Variants in PRKCQ observed in about 807,000 individuals in gnomAD.
The protein encoded by PRKCQ is protein kinase C theta.
Under a neutral mutation model 91.2 loss-of-function variants are expected in PRKCQ, and 41 were observed. That is an observed-to-expected ratio of 0.45 (90% CI 0.35 to 0.58). The LOEUF (loss-of-function observed/expected upper bound fraction) is 0.58, where lower values mean the gene tolerates loss of function less well. Ranked by LOEUF, PRKCQ falls within the 20% of genes least tolerant of loss-of-function variation. The probability of loss-of-function intolerance (pLI) is 0.00; values close to 1 mark genes in which losing one functional copy is unlikely to be tolerated. For synonymous variants in PRKCQ, 307 were observed against 316.9 expected (o/e 0.97, Z 0.33); for missense variants, 673 against 896.5 (o/e 0.75, Z 3.18).
chr10:6,395,056 CTTTTTTTTT>C, the PRKCQ span, among the ~76,000 whole-genome samples: 3 of 66,994 alleles, frequency 4.5e-5, no homozygotes, highest in African/African-American at 1.2e-4. Flanking sequence ...AAGCTGGAGT[CTTTTTTTTT>C]TTTTTTTTTT....
intron 16 of PRKCQ, among the ~76,000 whole-genome samples, chr10:6,437,988 A>T (rs955213041): frequency 4.6e-5 from 7 of 152,168 alleles, no homozygotes; most frequent in East Asian, 3.8e-4. Flanking sequence ...CAGCCTTTTT[A>T]AAAAAATTGG....
At chr10:6,447,780 A>G (rs138457236) in intron 15 of PRKCQ, among the ~76,000 whole-genome samples, 4 of 152,350 alleles carry the variant, frequency 2.6e-5, no homozygotes, top group Non-Finnish European at 4.4e-5. Context: ...CCCAGGCCAC[A>G]GAGTCCCCTC....
chr10:6,422,185 T>A (rs1334150370), downstream of PRKCQ, among the ~76,000 whole-genome samples: 1 of 152,232 alleles, frequency 6.6e-6, no homozygotes, highest in Non-Finnish European at 1.5e-5. Context: ...TAATACTATG[T>A]TAGTGGGTAC....
chr10:6,518,731 G>A (rs1460629115), intron 1 of PRKCQ, among the ~76,000 whole-genome samples: 1 of 152,046 alleles, frequency 6.6e-6, no homozygotes, highest in East Asian at 1.9e-4. Context: ...TGAGGCAGGG[G>A]AATCGCTTTG....
At chr10:6,517,588 CTTTTTTTTTTTT>C (rs56306878) in intron 1 of PRKCQ, among the ~76,000 whole-genome samples, 99 of 49,496 alleles carry the variant, frequency 2.0e-3, no homozygotes, top group African/African-American at 6.8e-3. Context: ...AAGATAGCAT[CTTTTTTTTTTTT>C]TTTTTTTTTT....
intron 1 of PRKCQ, among the ~76,000 whole-genome samples, chr10:6,558,570 G>A (rs138887739): frequency 6.6e-6 from 1 of 152,188 alleles, no homozygotes; most frequent in African/African-American, 2.4e-5. Context: ...CAAACATCAT[G>A]GGTGTAACAT....
chr10:6,425,765 G>A (rs1833104576), downstream of PRKCQ, among the ~76,000 whole-genome samples: 1 of 151,984 alleles, frequency 6.6e-6, no homozygotes, highest in South Asian at 2.1e-4. Flanking sequence ...GACCAGCCTA[G>A]GAAACATAGG....
chr10:6,435,980 G>A (rs555430183), intron 16 of PRKCQ, among the ~76,000 whole-genome samples: 1 of 152,304 alleles, frequency 6.6e-6, no homozygotes, highest in South Asian at 2.1e-4. Flanking sequence ...GGGCATTGGT[G>A]GCATGCACCT....
chr10:6,561,369 C>CAAAAAAA (rs3086735), intron 1 of PRKCQ, among the ~76,000 whole-genome samples: 7 of 82,602 alleles, frequency 8.5e-5, no homozygotes, highest in African/African-American at 1.5e-4. Flanking sequence ...GACCCTGTCT[C>CAAAAAAA]AAAAAAAAAA....
intron 12 of PRKCQ, among the ~76,000 whole-genome samples, chr10:6,472,732 A>G (rs1836056534): frequency 6.6e-6 from 1 of 152,120 alleles, no homozygotes; most frequent in East Asian, 1.9e-4. Flanking sequence ...TTTCTTTTTG[A>G]GACGGAGTTT....
chr10:6,503,069 G>A (rs1838005782), intron 4 of PRKCQ, among the ~76,000 whole-genome samples: 1 of 152,190 alleles, frequency 6.6e-6, no homozygotes, highest in African/African-American at 2.4e-5. Flanking sequence ...AGAATGCAAG[G>A]TTTGGAGATC....
intron 12 of PRKCQ, among the ~76,000 whole-genome samples, chr10:6,471,588 C>G (rs1835970994): frequency 6.9e-6 from 1 of 144,622 alleles, no homozygotes; most frequent in African/African-American, 2.5e-5. Context: ...ACTAAAATAC[C>G]AAGAAAAAAA....
the PRKCQ span, among the ~76,000 whole-genome samples, chr10:6,408,046 G>GTTTTTTTTTTTTTTTT: frequency 3.6e-5 from 3 of 84,228 alleles, no homozygotes; most frequent in African/African-American, 1.7e-4. Context: ...TCTTGTGTCA[G>GTTTTTTTTTTTTTTTT]TTTTTTTTTT....
chr10:6,435,680 TA>T (rs1007831298), intron 16 of PRKCQ, among the ~76,000 whole-genome samples: 1 of 152,154 alleles, frequency 6.6e-6, no homozygotes, highest in Non-Finnish European at 1.5e-5. Flanking sequence ...TAAAATACAC[TA>T]ACACTAACAA....
At chr10:6,518,844 A>AAT (rs1361355042) in intron 1 of PRKCQ, among the ~76,000 whole-genome samples, 2 of 152,196 alleles carry the variant, frequency 1.3e-5, no homozygotes, top group Admixed American at 1.3e-4. Flanking sequence ...AGAAAAGAAA[A>AAT]ATATATAATA....
intron 1 of PRKCQ, among the ~76,000 whole-genome samples, chr10:6,561,183 C>A (rs906675852): frequency 2.0e-5 from 3 of 151,392 alleles, no homozygotes; most frequent in Admixed American, 1.3e-4. Context: ...CTAGCCTGGG[C>A]AACACAGCGA....
chr10:6,446,015 T>G (rs1257384997), intron 15 of PRKCQ, among the ~76,000 whole-genome samples: 1 of 152,160 alleles, frequency 6.6e-6, no homozygotes, highest in Non-Finnish European at 1.5e-5. Flanking sequence ...GCGATGTTGG[T>G]AAAAAATTTC....
intron 1 of PRKCQ, among the ~76,000 whole-genome samples, chr10:6,539,407 T>C (rs1304000166): frequency 1.3e-5 from 2 of 152,048 alleles, no homozygotes; most frequent in African/African-American, 2.4e-5. Context: ...AGCCACAGCA[T>C]TAGAGTTTCA....
At chr10:6,495,558 G>A (rs1219383461) in intron 7 of PRKCQ, among the ~76,000 whole-genome samples, 1 of 152,176 alleles carries the variant, frequency 6.6e-6, no homozygotes, top group Non-Finnish European at 1.5e-5. Context: ...CTTGCACCTT[G>A]TTCACTATCT....
Sources: allele counts gnomAD v4.1 joint callset (sites outside exome capture counted in the v4.1 genomes callset), GRCh38; gene constraint gnomAD v4.1.1; transcripts MANE v1.5; gene names NCBI Gene and HGNC (gene_info 2026-07-23, HGNC 2026-07-21).